The following SYT2 variants were observed in gnomAD, a reference collection of about 807,000 sequenced individuals.
SYT2 encodes the protein synaptotagmin-2.
A neutral mutation model predicts 39.9 loss-of-function variants in SYT2; 15 were observed. The ratio of observed to expected loss-of-function variants is 0.38; its 90% CI spans 0.25 to 0.58. The LOEUF is 0.58. SYT2 is among the 20% of genes least tolerant of loss of function. The pLI, the probability that SYT2 is intolerant of heterozygous loss-of-function variation, is 0.70. For missense variants in SYT2, 389 were observed against 530.3 expected, an observed-to-expected ratio of 0.73 and a Z score of 2.62; for synonymous variants, 181 against 204.5, an observed-to-expected ratio of 0.89 and a Z score of 0.98.
At chr1:202,664,766 T>G (rs1023928176) in intron 1 of SYT2, among the ~76,000 whole-genome samples, 16 of 152,182 alleles carry the variant, frequency 1.1e-4, no homozygotes, top group Admixed American at 1.0e-3. Flanking sequence ...TTCAAGCGAT[T>G]CTCCTGCCTC....
chr1:202,705,713 T>C (rs1332279002), intron 1 of SYT2, among the ~76,000 whole-genome samples: 2 of 145,804 alleles, frequency 1.4e-5, no homozygotes, highest in Admixed American at 7.2e-5. Flanking sequence ...ATCTTGGATT[T>C]TGGGAGTCCT....
intron 1 of SYT2, among the ~76,000 whole-genome samples, chr1:202,705,081 T>G (rs1654215265): frequency 6.6e-6 from 1 of 152,242 alleles, no homozygotes; most frequent in South Asian, 2.1e-4. Context: ...CGGGCTCCAT[T>G]TGCCATAGGT....
chr1:202,625,204 G>A (rs1476134763), intron 1 of SYT2, among the ~76,000 whole-genome samples: 2 of 143,964 alleles, frequency 1.4e-5, no homozygotes. Flanking sequence ...AGTAGGGTGT[G>A]TGTGTGATGT....
At chr1:202,667,943 C>A (rs1692512324) in intron 1 of SYT2, among the ~76,000 whole-genome samples, 1 of 152,160 alleles carries the variant, frequency 6.6e-6, no homozygotes, top group South Asian at 2.1e-4. Flanking sequence ...GAACTCCTGA[C>A]CTCGTGATCT....
rs1461781799 is a variant in SYT2, at chr1:202,601,050, G to C, written c.802-576C>G. Among the ~76,000 whole-genome samples the C allele has an allele frequency of 1.3e-5, 2 of 152,172 alleles. No homozygotes were observed. The highest frequency in any genetic ancestry group is 4.8e-5 in the African/African-American group (2 of 41,436). On this transcript the variant is annotated intron_variant, in intron 6 of 8. Transcript: ENST00000367268. The surrounding 1 kb of genome is among the most constrained non-coding windows in gnomAD (Gnocchi z 4.0). ...CACTGCAACTCTTTGATGTAAACAA[G>C]ACAAGAATTCTTTGTAACCAATGAG...
At chr1:202,669,524 G>A (rs1176212283) in intron 1 of SYT2, among the ~76,000 whole-genome samples, 1 of 150,352 alleles carries the variant, frequency 6.7e-6, no homozygotes, top group African/African-American at 2.5e-5. Context: ...ACCTGGGAGG[G>A]GGAGGTTGCA....
intron 1 of SYT2, among the ~76,000 whole-genome samples, chr1:202,629,410 G>A (rs1400113348): frequency 6.6e-6 from 1 of 152,206 alleles, no homozygotes; most frequent in Admixed American, 6.5e-5. Context: ...TGGCTGCTAA[G>A]TCTCTATTTT....
intron 1 of SYT2, among the ~76,000 whole-genome samples, chr1:202,645,995 A>C (rs7544561): frequency 0.13 from 20,280 of 152,134 alleles, 1,945 homozygotes; most frequent in East Asian, 0.32. Context: ...ATAATTCTTC[A>C]CTCCACTGAG....
chr1:202,594,656 C>G lies in SYT2; in HGVS notation c.*2101G>C, dbSNP rs561342830. On this transcript the variant is annotated 3_prime_UTR_variant, in exon 9 of 9. Transcript: ENST00000367268. ...TGACCACACCTTTGGTCCCAAGGAC[C>G]GCAGTTCATAATCCTGATCAGAGTC... 5 of 149,372 alleles carry G rather than the reference C, an allele frequency of 3.3e-5. No homozygotes were observed. Among genetic ancestry groups the G allele is most frequent in the African/African-American group, 1.2e-4 (5 of 40,860 alleles). The allele number at this position is 149,372 out of a possible 1,614,324, so 9.3% of individuals were successfully genotyped here.
intron 1 of SYT2, among the ~76,000 whole-genome samples, chr1:202,697,255 A>T (rs2149119912): frequency 6.6e-6 from 1 of 152,352 alleles, no homozygotes. Flanking sequence ...CACATGGAGC[A>T]GTCCTGAGCC....
At chr1:202,701,309 G>A (rs1035446884) in intron 1 of SYT2, among the ~76,000 whole-genome samples, 4 of 152,164 alleles carry the variant, frequency 2.6e-5, no homozygotes, top group Non-Finnish European at 5.9e-5. Flanking sequence ...AGATAAAATG[G>A]TATCCCATGG....
chr1:202,676,894 A>G (rs1395848299), intron 1 of SYT2, among the ~76,000 whole-genome samples: 1 of 152,158 alleles, frequency 6.6e-6, no homozygotes, highest in Admixed American at 6.5e-5. Context: ...GTTGAAGGAG[A>G]GGCCTGGTGG....
At chr1:202,636,535 G>A in intron 1 of SYT2, 3 of 386,094 alleles carry the variant, frequency 7.8e-6, no homozygotes, top group Non-Finnish European at 1.1e-5. Flanking sequence ...AGGTCCAAGA[G>A]ATAGGGAAAA....
chr1:202,599,476 T>C lies in SYT2; in HGVS notation c.920-125A>G. 5 of 1,133,804 alleles carry C rather than the reference T, an allele frequency of 4.4e-6. No homozygotes were observed. The highest frequency in any genetic ancestry group is 6.1e-6 in the Non-Finnish European group (5 of 821,712). 70.2% of individuals were successfully genotyped at this position (1,133,804 alleles called of 1,614,324 possible). On this transcript the variant is annotated intron_variant, in intron 7 of 8. Coordinates refer to ENST00000367268, the MANE Select transcript of SYT2 (RefSeq NM_177402.5). The surrounding 1 kb of genome is among the most constrained non-coding windows in gnomAD (Gnocchi z 4.4). ...TCTTCACTCCGCTGAGACCAGGCCCTCAGAAAGCCCCAAGTCATGCCATCC... is the reference window on the plus strand; with the variant it reads ...TCTTCACTCCGCTGAGACCAGGCCCCCAGAAAGCCCCAAGTCATGCCATCC...
intron 1 of SYT2, among the ~76,000 whole-genome samples, chr1:202,682,814 C>A (rs1653560548): frequency 1.3e-5 from 2 of 152,094 alleles, no homozygotes; most frequent in Admixed American, 1.3e-4. Flanking sequence ...TAGCTACAAA[C>A]CCAGCCCTTC....
intron 1 of SYT2, among the ~76,000 whole-genome samples, chr1:202,633,088 G>A (rs555141137): frequency 2.6e-5 from 4 of 152,336 alleles, no homozygotes; most frequent in Admixed American, 6.5e-5. Flanking sequence ...CTCGCTTGGT[G>A]CTGCCAGGTT....
At chr1:202,648,689 G>A (rs1692136966) in intron 1 of SYT2, among the ~76,000 whole-genome samples, 3 of 152,224 alleles carry the variant, frequency 2.0e-5, no homozygotes, top group Admixed American at 6.5e-5. Context: ...CTACCTGGGG[G>A]CTAAAGAGGA....
chr1:202,664,932 T>C (rs1692454397), intron 1 of SYT2, among the ~76,000 whole-genome samples: 1 of 152,246 alleles, frequency 6.6e-6, no homozygotes, highest in Non-Finnish European at 1.5e-5. Context: ...GTGCTGGGAT[T>C]ACAGGCGTGA....
chr1:202,669,335 A>T (rs1404043428), intron 1 of SYT2, among the ~76,000 whole-genome samples: 1 of 151,336 alleles, frequency 6.6e-6, no homozygotes, highest in East Asian at 1.9e-4. Context: ...ACGGGGCAAC[A>T]TAGTGAGACC....
Sources: allele counts gnomAD v4.1 joint callset (sites outside exome capture counted in the v4.1 genomes callset), GRCh38; gene constraint gnomAD v4.1.1; non-coding constraint Gnocchi (gnomAD v3.1); transcripts MANE v1.5; gene names NCBI Gene and HGNC (gene_info 2026-07-23, HGNC 2026-07-21).